The following RAB9A variants were observed in gnomAD, a reference collection of about 807,000 sequenced individuals.
RAB9A encodes the protein RAB9A, member RAS oncogene family.
RAB9A carries 1 observed loss-of-function variant against 10.3 expected under a neutral mutation model. The observed-to-expected ratio is 0.10, with a 90% CI of 0.03 to 0.46. The LOEUF (loss-of-function observed/expected upper bound fraction) is 0.46. Ranked by LOEUF, RAB9A falls within the 20% of genes least tolerant of loss-of-function variation. The pLI, the probability that RAB9A is intolerant of heterozygous loss-of-function variation, is 0.96. For missense variants in RAB9A, 92 were observed against 150.3 expected (o/e 0.61, Z 2.03); for synonymous variants, 39 against 55.2 (o/e 0.71, Z 1.30).
chrX:13,703,450 G>A (rs1195995405), intron 1 of RAB9A, among the ~76,000 whole-genome samples: 2 of 112,426 alleles, frequency 1.8e-5, no homozygotes, highest in African/African-American at 3.2e-5. Context: ...AACCCCAAAT[G>A]TCAGGATTTT....
chrX:13,691,342 C>T (rs759941446), intron 1 of RAB9A, among the ~76,000 whole-genome samples: 5 of 111,631 alleles, frequency 4.5e-5, no homozygotes, highest in African/African-American at 1.3e-4. Flanking sequence ...ATTCTCTCTA[C>T]TGAGAAGCAT....
At chrX:13,694,231 A>G (rs2046138158) in intron 1 of RAB9A, among the ~76,000 whole-genome samples, 2 of 111,745 alleles carry the variant, frequency 1.8e-5, no homozygotes, top group South Asian at 7.5e-4. Context: ...CAGAACTCTA[A>G]CAGATAGGAG....
chrX:13,689,283 C>T lies in RAB9A; in HGVS notation c.-121C>T, dbSNP rs1320802601. 1 of 113,021 alleles carries T rather than the reference C, an allele frequency of 8.8e-6. No homozygotes were observed. The allele number at this position is 113,021 out of a possible 1,213,427, so 9.3% of individuals were successfully genotyped here. ...GCTCCCGGGTCGTCTTTCGTGTGGCCGCGAGGTGAGCGGGACTCGGGACTC... is the reference window on the plus strand; with the variant it reads ...GCTCCCGGGTCGTCTTTCGTGTGGCTGCGAGGTGAGCGGGACTCGGGACTC... On this transcript the variant is annotated 5_prime_UTR_variant, in exon 1 of 3. Transcript: ENST00000464506.
chrX:13,702,612 A>G (rs1263907696), intron 1 of RAB9A, among the ~76,000 whole-genome samples: 1 of 111,651 alleles, frequency 9.0e-6, no homozygotes, highest in Non-Finnish European at 1.9e-5. Context: ...GACTCAGGCA[A>G]CTCCGTAAGA....
At chrX:13,698,735 A>G (rs956696425) in intron 1 of RAB9A, among the ~76,000 whole-genome samples, 1 of 112,148 alleles carries the variant, frequency 8.9e-6, no homozygotes, top group African/African-American at 3.2e-5. Flanking sequence ...AGTTTTTAGA[A>G]ACAAACAGTG....
Position 13,709,118 on chromosome X carries a change from C to G in RAB9A, c.372C>G (p.Asn124Lys). ...PESFPFVILG[N>K]KIDISERQVS... ...GCTTTCCTTTTGTGATTCTGGGTAA[C>G]AAGATTGACATAAGCGAACGGCAGG... The change falls in exon 3 of 3, where the codon AAC becomes AAG. Residue 124 changes from asparagine to lysine, a missense_variant. Asn to Lys is a moderately conservative substitution (Grantham distance 94). Transcript: ENST00000464506. The G allele has an allele frequency of 8.3e-7, 1 of 1,211,716 alleles. No homozygotes were observed.
chrX:13,700,529 G>T (rs1195758400), intron 1 of RAB9A, among the ~76,000 whole-genome samples: 2 of 111,871 alleles, frequency 1.8e-5, no homozygotes, highest in Non-Finnish European at 3.8e-5. Context: ...TTGTTTTCCT[G>T]CCAGTGACCT....
chrX:13,692,152 TA>T (rs897444638), intron 1 of RAB9A, among the ~76,000 whole-genome samples: 14 of 106,264 alleles, frequency 1.3e-4, no homozygotes, highest in African/African-American at 4.8e-4. Flanking sequence ...AAAAATAAAT[TA>T]AAAAAAAAAT....
Position 13,709,368 on chromosome X carries a change from T to C in RAB9A, c.*16T>C, listed in dbSNP as rs1301874212. On this transcript the variant is annotated 3_prime_UTR_variant, in exon 3 of 3. Transcript: ENST00000464506. The stretch of plus-strand genomic sequence containing the variant: ...TTGCTGTTGATTGTTAGATTGTTGA[T>C]GCATTCTAACCAACTCACACATATA... The C allele has an allele frequency of 1.7e-6, 2 of 1,188,729 alleles. No homozygotes were observed. Among genetic ancestry groups the C allele is most frequent in the Admixed American group, 4.6e-5 (2 of 43,513 alleles).
intron 1 of RAB9A, among the ~76,000 whole-genome samples, chrX:13,695,471 A>G (rs2046143435): frequency 8.9e-6 from 1 of 111,996 alleles, no homozygotes. Flanking sequence ...AAGGTGCTAT[A>G]TGCCAGGTAC....
At position 13,704,813 on chromosome X, in the gene RAB9A, T is replaced by G. The variant is rs768681747; in HGVS notation, c.-27+911T>G. Among the ~76,000 whole-genome samples the G allele has an allele frequency of 9.0e-5, 10 of 110,765 alleles. No individual in the cohort carries two copies. In the East Asian group the frequency reaches 2.0e-3, roughly 22 times the overall value. Reference sequence around the variant, plus strand: ...TATTTTTAGCAGAGATGAGATGAGGTCTCACCATGTTGGCCAGGCTGGTCT... The same window carrying G: ...TATTTTTAGCAGAGATGAGATGAGGGCTCACCATGTTGGCCAGGCTGGTCT... On this transcript the variant is annotated intron_variant, in intron 2 of 2. Transcript: ENST00000464506.
At chrX:13,702,000 A>G (rs1200207672) in intron 1 of RAB9A, among the ~76,000 whole-genome samples, 3 of 110,831 alleles carry the variant, frequency 2.7e-5, no homozygotes, top group African/African-American at 9.8e-5. Flanking sequence ...TCCTTATCTG[A>G]CCAGGTCACC....
chrX:13,691,793 A>G (rs1430475136), intron 1 of RAB9A, among the ~76,000 whole-genome samples: 2 of 109,903 alleles, frequency 1.8e-5, no homozygotes, highest in East Asian at 5.7e-4. Flanking sequence ...TAGAAAGTTT[A>G]GTTTCTGCAT....
In RAB9A at chrX:13,710,240, A is replaced by G. The variant is rs1019439146; in HGVS notation, c.*888A>G. 4.0e-5 allele frequency: 5 copies of G among 124,041 alleles called. No individual in the cohort carries two copies. The highest frequency in any genetic ancestry group is 1.6e-4 in the African/African-American group (5 of 31,030). 10.2% of individuals were successfully genotyped at this position (124,041 alleles called of 1,213,427 possible). Reference sequence around the variant, plus strand: ...TTTGTTACTTTCTTGACCCTTGGGGAAAGTTTCTTAATTGAAGTTAAAACA... The same window carrying G: ...TTTGTTACTTTCTTGACCCTTGGGGGAAGTTTCTTAATTGAAGTTAAAACA... On this transcript the variant is annotated 3_prime_UTR_variant, in exon 3 of 3. Coordinates refer to ENST00000464506, the MANE Select transcript of RAB9A (RefSeq NM_004251.5).
At chrX:13,692,002 A>G (rs911419278) in intron 1 of RAB9A, among the ~76,000 whole-genome samples, 1 of 110,058 alleles carries the variant, frequency 9.1e-6, no homozygotes, top group African/African-American at 3.3e-5. Context: ...AAAGCAAAAC[A>G]GGAAAAAAAA....
At chrX:13,691,521 G>A (rs769527127) in intron 1 of RAB9A, among the ~76,000 whole-genome samples, 4 of 109,580 alleles carry the variant, frequency 3.7e-5, no homozygotes, top group African/African-American at 6.7e-5. Context: ...TTAGCCAGGC[G>A]TGGTGGCGGA....
chrX:13,691,399 C>T (rs1299903008), intron 1 of RAB9A, among the ~76,000 whole-genome samples: 1 of 111,636 alleles, frequency 9.0e-6, no homozygotes, highest in East Asian at 2.8e-4. Context: ...CGGTGGCTCA[C>T]GCCTGTAATC....
intron 1 of RAB9A, among the ~76,000 whole-genome samples, chrX:13,692,074 A>G (rs1355794673): frequency 1.8e-5 from 2 of 110,232 alleles, no homozygotes; most frequent in Admixed American, 9.8e-5. Context: ...AGACCCACAC[A>G]GGAGGATCAC....
At chrX:13,689,568 A>G (rs891049869) in intron 1 of RAB9A, among the ~76,000 whole-genome samples, 143 of 112,117 alleles carry the variant, frequency 1.3e-3, no homozygotes, top group African/African-American at 4.4e-3. Flanking sequence ...ACCCGTGCAC[A>G]TACACACGGA....
Sources: allele counts gnomAD v4.1 joint callset (sites outside exome capture counted in the v4.1 genomes callset), GRCh38; gene constraint gnomAD v4.1.1; transcripts MANE v1.5; gene names NCBI Gene and HGNC (gene_info 2026-07-23, HGNC 2026-07-21).